The following CSMD2 variants were observed in gnomAD, a reference collection of about 807,000 sequenced individuals.
CSMD2 encodes CUB and Sushi multiple domains 2.
A neutral mutation model predicts 398.5 loss-of-function variants in CSMD2; 130 were observed. The observed-to-expected ratio is 0.33, with a 90% CI of 0.28 to 0.38. CSMD2 has a LOEUF of 0.38. Among genes scored for constraint, CSMD2 ranks in the 10% least tolerant of loss-of-function variants. The probability of loss-of-function intolerance (pLI) is 1.00; values close to 1 mark genes in which losing one functional copy is unlikely to be tolerated. For missense variants in CSMD2, 3,829 were observed against 4,764.9 expected (o/e 0.80, Z 5.78); for synonymous variants, 1,828 against 1,908.5 (o/e 0.96, Z 1.10).
chr1:33,665,951 TA>T (rs1402718473), intron 25 of CSMD2, among the ~76,000 whole-genome samples: 2 of 152,178 alleles, frequency 1.3e-5, no homozygotes, highest in African/African-American at 4.8e-5. Context: ...CTTGTTTGCC[TA>T]AGATGTATCT....
At chr1:34,070,645 G>T (rs1655634809) in intron 2 of CSMD2, among the ~76,000 whole-genome samples, 1 of 152,148 alleles carries the variant, frequency 6.6e-6, no homozygotes, top group Non-Finnish European at 1.5e-5. Flanking sequence ...TGCGGTAGTG[G>T]ATACAAATCT....
chr1:34,061,259 T>A (rs1056327444), intron 2 of CSMD2, among the ~76,000 whole-genome samples: 4 of 152,208 alleles, frequency 2.6e-5, no homozygotes, highest in African/African-American at 9.6e-5. Flanking sequence ...AGAAGCAGGC[T>A]GGACAGTGTG....
intron 3 of CSMD2, among the ~76,000 whole-genome samples, chr1:34,022,180 C>A (rs539123950): frequency 3.9e-5 from 6 of 152,288 alleles, no homozygotes; most frequent in Non-Finnish European, 8.8e-5. Flanking sequence ...CTGGGCTAGG[C>A]ACAACTGTGA....
intron 1 of CSMD2, among the ~76,000 whole-genome samples, chr1:34,133,620 G>C (rs1392095328): frequency 1.3e-5 from 2 of 151,754 alleles, no homozygotes; most frequent in Admixed American, 1.3e-4. Context: ...GATAGAGCAA[G>C]ACTCTGTCCA....
At chr1:33,930,360 T>C (rs1055541521) in intron 4 of CSMD2, among the ~76,000 whole-genome samples, 4 of 152,180 alleles carry the variant, frequency 2.6e-5, no homozygotes, top group Non-Finnish European at 5.9e-5. Context: ...TCTGACTCTA[T>C]GCACTGTCCA....
chr1:33,942,441 C>A (rs1194771203), intron 3 of CSMD2, among the ~76,000 whole-genome samples: 1 of 152,228 alleles, frequency 6.6e-6, no homozygotes, highest in Non-Finnish European at 1.5e-5. Flanking sequence ...CAAATAGAGG[C>A]AGAGGTGCCA....
intron 3 of CSMD2, among the ~76,000 whole-genome samples, chr1:33,977,019 T>C (rs973523452): frequency 2.6e-5 from 4 of 151,774 alleles, no homozygotes; most frequent in African/African-American, 9.7e-5. Context: ...GCACAGGCTG[T>C]TATTCAAGCA....
At chr1:33,757,873 A>G (rs1225832893) in intron 13 of CSMD2, among the ~76,000 whole-genome samples, 1 of 152,112 alleles carries the variant, frequency 6.6e-6, no homozygotes, top group Non-Finnish European at 1.5e-5. Context: ...TCACATCCCT[A>G]TTAAGTGGAG....
intron 2 of CSMD2, among the ~76,000 whole-genome samples, chr1:34,036,201 C>T (rs1651106350): frequency 6.6e-6 from 1 of 151,980 alleles, no homozygotes; most frequent in Non-Finnish European, 1.5e-5. Flanking sequence ...GCCCAAAAAC[C>T]TATGCATAAT....
At chr1:33,689,085 AGAG>A (rs1645150703) in intron 25 of CSMD2, among the ~76,000 whole-genome samples, 1 of 110,958 alleles carries the variant, frequency 9.0e-6, no homozygotes, top group Non-Finnish European at 1.9e-5. Flanking sequence ...GGAGGGAAGG[AGAG>A]GAGGAGAGGG....
At chr1:33,638,637 T>C (rs1439533329) in intron 29 of CSMD2, among the ~76,000 whole-genome samples, 1 of 152,256 alleles carries the variant, frequency 6.6e-6, no homozygotes, top group Non-Finnish European at 1.5e-5. Context: ...GCCCTGCACA[T>C]GTGGCCCCAA....
rs371510436 is a variant in CSMD2 at position 33,557,859 on chromosome 1, G to A, written c.8618C>T (p.Pro2873Leu). 2.9e-5 allele frequency: 45 copies of A among 1,535,954 alleles called. 1 individual carries two copies. Among genetic ancestry groups the A allele is most frequent in the Admixed American group, 7.8e-5 (4 of 50,980 alleles). The change falls in exon 55 of 71, where the codon CCG (proline) becomes CTG (leucine). Residue 2873 changes from proline to leucine, a missense_variant. By Grantham distance (98) the Pro-to-Leu change is moderately conservative. Around this residue, in one of 5 missense-constraint regions of CSMD2, gnomAD observed 917 missense variants for 1,199.5 expected, o/e 0.76. Transcript: ENST00000373381. ...AGTGGTGCCGAAGCTGAACCTGTGCGGGCCGCTGGCGTGGACCTGACGAAC... is the reference window on the plus strand; with the variant it reads ...AGTGGTGCCGAAGCTGAACCTGTGCAGGCCGCTGGCGTGGACCTGACGAAC... Reference protein sequence around the residue: ...NSVRQVHASGPHRFSFGTTVS... With the variant: ...NSVRQVHASGLHRFSFGTTVS...
chr1:33,894,251 C>T (rs1194276198), intron 5 of CSMD2, among the ~76,000 whole-genome samples: 4 of 152,086 alleles, frequency 2.6e-5, no homozygotes, highest in East Asian at 1.9e-4. Context: ...AGTAACACTG[C>T]CTTTTGATAC....
In CSMD2 at chr1:33,776,812, G is replaced by A. The variant is rs374550040; in HGVS notation, c.1664-4061C>T. On this transcript the variant is annotated intron_variant, in intron 12 of 70. Coordinates refer to ENST00000373381, the MANE Select transcript of CSMD2 (RefSeq NM_001281956.2). ...AAGAAGGAAAGAGGTGAAAGGAGCA[G>A]GGGGCGATGGGGGAAATAGAGGATG... is the stretch of plus-strand genomic sequence containing the variant. Among the ~76,000 whole-genome samples, 5 of 152,244 alleles carry A rather than the reference G, an allele frequency of 3.3e-5. No individual in the cohort carries two copies. In the East Asian group the frequency reaches 7.7e-4, roughly 24 times the overall value.
rs1641744393 is a variant in CSMD2, at chr1:34,164,980, G to A, written c.118C>T (p.Pro40Ser). The A allele has an allele frequency of 4.9e-6, 6 of 1,212,380 alleles. No homozygotes were observed. The highest frequency in any genetic ancestry group is 6.1e-6 in the Non-Finnish European group (6 of 975,888). 75.1% of individuals were successfully genotyped at this position (1,212,380 alleles called of 1,614,324 possible). Residue 40 changes from proline (P) to serine (S), a missense_variant, in exon 1 of 71, where the codon CCG becomes TCG. Coordinates refer to ENST00000373381, the MANE Select transcript of CSMD2 (RefSeq NM_001281956.2). This position sits in a 1 kb window ranked among gnomAD's most constrained non-coding sequence, Gnocchi z 6.2. Reference protein sequence around the residue: ...PGAGSRWGRPPPPTPPPLLLL... With the variant: ...PGAGSRWGRPSPPTPPPLLLL... ...AGCAGAGGCGGCGGCGTTGGCGGCG[G>A]CGGGCGGCCCCAGCGGCTCCCGGCG...
intron 51 of CSMD2, 99 bp from the exon 52 acceptor site, chr1:33,569,646 C>T: frequency 8.2e-7 from 1 of 1,221,996 alleles, no homozygotes; most frequent in East Asian, 2.5e-5. Flanking sequence ...ACCTGTTTAA[C>T]CTTACTCTGC....
chr1:33,929,499 A>C (rs2125312932), intron 4 of CSMD2, among the ~76,000 whole-genome samples: 1 of 135,958 alleles, frequency 7.4e-6, no homozygotes, highest in Non-Finnish European at 1.5e-5. Flanking sequence ...GTGCAGTGGC[A>C]TGATCTCAGC....
At chr1:34,090,601 A>G (rs946918506) in intron 1 of CSMD2, among the ~76,000 whole-genome samples, 1 of 151,596 alleles carries the variant, frequency 6.6e-6, no homozygotes, top group East Asian at 2.0e-4. Flanking sequence ...AGTAAGGCTC[A>G]CCTAGAAGCT....
chr1:33,991,048 T>A (rs1200197976), intron 3 of CSMD2, among the ~76,000 whole-genome samples: 1 of 151,496 alleles, frequency 6.6e-6, no homozygotes, highest in African/African-American at 2.4e-5. Flanking sequence ...AGACAGGGCC[T>A]CTGTCTGTTG....
Sources: allele counts gnomAD v4.1 joint callset (sites outside exome capture counted in the v4.1 genomes callset), GRCh38; gene constraint gnomAD v4.1.1; regional missense constraint gnomAD v4.1.1; non-coding constraint Gnocchi (gnomAD v3.1); transcripts MANE v1.5; gene names NCBI Gene and HGNC (gene_info 2026-07-23, HGNC 2026-07-21).